PRKN: variants seen among roughly 807,000 people sequenced by gnomAD.
The protein encoded by PRKN is parkin RBR E3 ubiquitin protein ligase.
A neutral mutation model predicts 59.5 loss-of-function variants in PRKN; 56 were observed. That is an observed-to-expected ratio of 0.94 (90% CI 0.76 to 1.18). The LOEUF (loss-of-function observed/expected upper bound fraction) is 1.18. Among genes scored for constraint, PRKN ranks in the 50% most tolerant of loss-of-function variants. The pLI is 0.00. For synonymous variants in PRKN, 250 were observed against 222.1 expected (o/e 1.13, Z -1.12); for missense variants, 657 against 596.4 (o/e 1.10, Z -1.06).
intron 1 of PRKN, among the ~76,000 whole-genome samples, chr6:162,509,684 T>C (rs926895933): frequency 6.6e-6 from 1 of 152,206 alleles, no homozygotes; most frequent in Non-Finnish European, 1.5e-5. Context: ...ACAAAGGATG[T>C]ACCTTTGCTA....
chr6:162,653,177 G>A (rs908600627), intron 1 of PRKN, among the ~76,000 whole-genome samples: 4 of 152,168 alleles, frequency 2.6e-5, no homozygotes, highest in African/African-American at 9.7e-5. Context: ...TTGGATTCAG[G>A]AAGGATATAC....
rs1007338399 is a variant in PRKN, at chr6:162,049,875, C to T, written c.618+4216G>A. On this transcript the variant is annotated intron_variant, in intron 5 of 11. Transcript: ENST00000366898. ...GCTCACTGGTGGTACGAATCGGACG[C>T]GTCCTTCCTAAGCTTGTACTGCAGG... 1.3e-5 allele frequency among the ~76,000 whole-genome samples: 2 copies of T among 152,102 alleles called. 1 individual carries two copies. Among genetic ancestry groups the T allele is most frequent in the African/African-American group, 4.8e-5 (2 of 41,412 alleles).
intron 5 of PRKN, among the ~76,000 whole-genome samples, chr6:161,985,311 A>T (rs1353173631): frequency 6.6e-6 from 1 of 152,320 alleles, no homozygotes; most frequent in East Asian, 1.9e-4. Context: ...AACATTTGCT[A>T]GTTGCATGTT....
In PRKN at chr6:161,706,553, A is replaced by G. The variant is rs979028056; in HGVS notation, c.871+79219T>C. On this transcript the variant is annotated intron_variant, in intron 7 of 11. Transcript: ENST00000366898. The stretch of plus-strand genomic sequence containing the variant: ...GAATCGATAAACGAAAGACAAGGAG[A>G]GAAAAGCAGCATTGGAACCTGTGCT... 4.6e-4 allele frequency among the ~76,000 whole-genome samples: 70 copies of G among 152,094 alleles called. 1 individual carries two copies. Among genetic ancestry groups the G allele is most frequent in the African/African-American group, 1.6e-3 (65 of 41,416 alleles).
At chr6:162,000,766 G>A (rs7764877) in intron 5 of PRKN, among the ~76,000 whole-genome samples, 9,027 of 151,684 alleles carry the variant, frequency 0.06, 350 homozygotes, top group Middle Eastern at 0.11. Flanking sequence ...TTACTTTCTC[G>A]GAGTCTTATA....
At chr6:162,596,715 A>C (rs999124545) in intron 1 of PRKN, among the ~76,000 whole-genome samples, 6 of 152,204 alleles carry the variant, frequency 3.9e-5, no homozygotes, top group Non-Finnish European at 7.3e-5. Context: ...TACCCTTTTC[A>C]TAGAACCCAA....
intron 7 of PRKN, among the ~76,000 whole-genome samples, chr6:161,771,396 A>AAAAAAAT (rs1562671030): frequency 2.0e-5 from 3 of 148,288 alleles, no homozygotes; most frequent in South Asian, 2.2e-4. Flanking sequence ...ATAAAATAAA[A>AAAAAAAT]TAAAAGCACT....
chr6:161,416,005 G>A (rs950469471), intron 9 of PRKN, among the ~76,000 whole-genome samples: 2 of 152,122 alleles, frequency 1.3e-5, no homozygotes, highest in Admixed American at 6.5e-5. Flanking sequence ...GCACCTTCTC[G>A]ATGAAGTTTA....
At chr6:161,968,211 T>C (rs71567628) in intron 6 of PRKN, among the ~76,000 whole-genome samples, 1 of 122,482 alleles carries the variant, frequency 8.2e-6, no homozygotes, top group Non-Finnish European at 1.7e-5. Flanking sequence ...TTTTTTTTTG[T>C]ATTATTAGTA....
intron 4 of PRKN, among the ~76,000 whole-genome samples, chr6:162,084,336 C>T (rs940951366): frequency 9.2e-5 from 14 of 152,082 alleles, no homozygotes; most frequent in African/African-American, 2.9e-4. Context: ...ATTGAAAAGG[C>T]AGCTCCGTGG....
At chr6:162,175,325 A>G (rs1303748105) in intron 4 of PRKN, among the ~76,000 whole-genome samples, 1 of 152,192 alleles carries the variant, frequency 6.6e-6, no homozygotes, top group Non-Finnish European at 1.5e-5. Flanking sequence ...GAGCCAGGGG[A>G]GAAGGTGATT....
chr6:161,733,804 A>ATG (rs1554298527), intron 7 of PRKN, among the ~76,000 whole-genome samples: 1,721 of 129,006 alleles, frequency 0.013, 23 homozygotes, highest in South Asian at 0.021. Flanking sequence ...ATATGTATAT[A>ATG]TATATATATA....
intron 1 of PRKN, among the ~76,000 whole-genome samples, chr6:162,632,917 A>T (rs917670426): frequency 3.3e-5 from 5 of 152,260 alleles, no homozygotes; most frequent in Admixed American, 2.0e-4. Flanking sequence ...GCTGGAAAAC[A>T]TAAGCAAAGC....
chr6:161,361,294 G>A lies in PRKN; in HGVS notation c.1168-1089C>T, dbSNP rs759250349. Among the ~76,000 whole-genome samples the A allele has an allele frequency of 2.4e-4, 37 of 152,154 alleles. No homozygotes were observed. The highest frequency in any genetic ancestry group is 2.6e-4 in the Admixed American group (4 of 15,286). On this transcript the variant is annotated intron_variant, in intron 10 of 11. Coordinates refer to ENST00000366898, the MANE Select transcript of PRKN (RefSeq NM_004562.3). This position sits in a 1 kb window ranked among gnomAD's most constrained non-coding sequence, Gnocchi z 5.2. ...GAAAATAACTGTACTGCATTTAATAGTTTCTTTAGGAATTAGTGTTCATGT... is the reference window on the plus strand; with the variant it reads ...GAAAATAACTGTACTGCATTTAATAATTTCTTTAGGAATTAGTGTTCATGT...
chr6:162,249,312 G>C (rs1477568907), intron 3 of PRKN, among the ~76,000 whole-genome samples: 3 of 152,182 alleles, frequency 2.0e-5, no homozygotes, highest in African/African-American at 7.2e-5. Flanking sequence ...ATTAGGATTT[G>C]TTCTCATCTT....
intron 4 of PRKN, among the ~76,000 whole-genome samples, chr6:162,150,766 C>T (rs1323888780): frequency 1.3e-5 from 2 of 152,128 alleles, no homozygotes; most frequent in South Asian, 2.1e-4. Context: ...GTTTAAGGAA[C>T]TCTGGTTCTC....
intron 3 of PRKN, among the ~76,000 whole-genome samples, chr6:162,257,123 A>C (rs1378507927): frequency 6.6e-6 from 1 of 151,662 alleles, no homozygotes; most frequent in Admixed American, 6.6e-5. Flanking sequence ...GCATGCTGAC[A>C]CTCCTTCCCG....
chr6:162,679,191 C>T (rs1779676779), intron 1 of PRKN, among the ~76,000 whole-genome samples: 1 of 151,762 alleles, frequency 6.6e-6, no homozygotes, highest in Admixed American at 6.6e-5. Context: ...CCTCCACCTC[C>T]CGGGTTCAAG....
intron 1 of PRKN, among the ~76,000 whole-genome samples, chr6:162,490,466 T>C (rs549024111): frequency 4.8e-4 from 73 of 152,206 alleles, no homozygotes; most frequent in African/African-American, 1.3e-3. Flanking sequence ...AAAATAACAC[T>C]CACTAATAGA....
Sources: gnomAD v4.1 joint callset for allele counts (sites outside exome capture counted in the v4.1 genomes callset) on GRCh38, gnomAD v4.1.1 for gene constraint, Gnocchi (gnomAD v3.1) non-coding constraint, MANE v1.5 for transcripts, NCBI Gene and HGNC (gene_info 2026-07-23, HGNC 2026-07-21) for gene names.